RBM19: variants seen among roughly 807,000 people sequenced by gnomAD.
The protein encoded by RBM19 is RNA binding motif protein 19, also known as probable RNA-binding protein 19.
Under a neutral mutation model 116.8 loss-of-function variants are expected in RBM19, and 94 were observed. The observed-to-expected ratio is 0.80, with a 90% CI of 0.68 to 0.95. RBM19 has a LOEUF of 0.95. Among genes scored for constraint, RBM19 ranks in the 40% least tolerant of loss-of-function variants. The probability of loss-of-function intolerance (pLI) is 0.00; values close to 1 mark genes in which losing one functional copy is unlikely to be tolerated. For synonymous variants in RBM19, 475 were observed against 494.1 expected (o/e 0.96, Z 0.51); for missense variants, 1,161 against 1,220.7 (o/e 0.95, Z 0.73).
chr12:113,937,077 G>A lies in RBM19; in HGVS notation c.1998C>T (p.Ala666=), dbSNP rs1321890156. ...TGTCTTGGAGCTTTTTCTTCTGTGG[G>A]GCTGTGCTGGAGAAGACGCCAACTG... The part of the protein sequence containing the change: ...WAPVGVFSST[A]PQKKKLQDTP... Residue 666 remains alanine, a synonymous_variant, in exon 16 of 24, where the codon GCC becomes GCT. Coordinates refer to ENST00000261741, the MANE Select transcript of RBM19 (RefSeq NM_016196.4). 1 of 1,614,062 alleles carries A rather than the reference G, an allele frequency of 6.2e-7. No individual in the cohort carries two copies. The highest frequency in any genetic ancestry group is 1.1e-5 in the South Asian group (1 of 91,066).
intron 21 of RBM19, among the ~76,000 whole-genome samples, chr12:113,905,012 C>T (rs1433133546): frequency 2.6e-5 from 4 of 152,208 alleles, no homozygotes; most frequent in Non-Finnish European, 4.4e-5. Flanking sequence ...TGGTCCAAGC[C>T]GCAGTCAGCT....
intron 16 of RBM19, among the ~76,000 whole-genome samples, chr12:113,929,780 T>C (rs1174518846): frequency 2.0e-5 from 3 of 152,202 alleles, no homozygotes; most frequent in South Asian, 4.1e-4. Flanking sequence ...GTCTCACTCA[T>C]GACCACAGCA....
chr12:113,818,361 G>C (rs1014065491), downstream of RBM19, among the ~76,000 whole-genome samples: 2 of 152,184 alleles, frequency 1.3e-5, no homozygotes, highest in African/African-American at 4.8e-5. Flanking sequence ...TGTGCAGGAA[G>C]AGCCAGGTGC....
At position 113,873,689 on chromosome 12, in the gene RBM19, T is replaced by TAAA. The variant is rs146761765; in HGVS notation, c.2559-14796_2559-14794dup. On this transcript the variant is annotated intron_variant, in intron 21 of 23. Coordinates refer to ENST00000261741, the MANE Select transcript of RBM19 (RefSeq NM_016196.4). ...AAGAATTATCAATAAAAAAATAAAT[T>TAAA]AAAAAAAAAAAAAAAAAAGAAAAGG... 7.0e-4 allele frequency among the ~76,000 whole-genome samples: 89 copies of TAAA among 127,680 alleles called. 1 individual carries two copies. The South Asian group carries it at 0.013, about 19-fold the overall frequency. The allele number at this position is 127,680 out of a possible 152,430, so 83.8% of individuals were successfully genotyped here.
Position 113,950,108 on chromosome 12 carries a change from A to T in RBM19, c.1047T>A (p.Ala349=). 1 of 1,611,328 alleles carries T rather than the reference A, an allele frequency of 6.2e-7. No individual in the cohort carries two copies. The highest frequency in any genetic ancestry group is 8.5e-7 in the Non-Finnish European group (1 of 1,177,582). The change falls in exon 9 of 24, where the codon GCT becomes GCA. Residue 349 remains alanine, a synonymous_variant. Transcript: ENST00000261741. ...CCATGTACTCCCGGTTGCATTTCAGAGCTTGCTTCACTTCCTCTTCATTGC... is the reference window on the plus strand; with the variant it reads ...CCATGTACTCCCGGTTGCATTTCAGTGCTTGCTTCACTTCCTCTTCATTGC... ...DFSNEEEVKQ[A]LKCNREYMGG... is the part of the protein sequence containing the mutation.
intron 1 of RBM19, among the ~76,000 whole-genome samples, chr12:113,964,196 G>T (rs1029202806): frequency 6.6e-6 from 1 of 152,186 alleles, no homozygotes; most frequent in African/African-American, 2.4e-5. Flanking sequence ...ACTAAAGATT[G>T]CTCAATTCAA....
At chr12:113,923,634 C>T (rs572716279) in intron 18 of RBM19, among the ~76,000 whole-genome samples, 4 of 152,336 alleles carry the variant, frequency 2.6e-5, no homozygotes, top group African/African-American at 4.8e-5. Flanking sequence ...TCTTCCTCAA[C>T]GAATTCCCCA....
chr12:113,948,950 G>A lies in RBM19; in HGVS notation c.1159C>T (p.Arg387Trp), dbSNP rs962640201. Reference sequence around the variant, plus strand: ...TCCTCTTCGTTCTCCCCGAGTATCCGGCCTTGCCAGGATTTGGTGGTATTC... The same window carrying A: ...TCCTCTTCGTTCTCCCCGAGTATCCAGCCTTGCCAGGATTTGGTGGTATTC... ...PKNTTKSWQG[R>W]ILGENEEEED... Residue 387 changes from arginine (R) to tryptophan (W), a missense_variant, in exon 10 of 24, where the codon CGG becomes TGG. Transcript: ENST00000261741. 1.9e-6 allele frequency: 3 copies of A among 1,614,172 alleles called. No individual in the cohort carries two copies. Among genetic ancestry groups the A allele is most frequent in the Non-Finnish European group, 2.5e-6 (3 of 1,180,026 alleles).
chr12:113,955,469 TG>T (rs2135935092), intron 6 of RBM19, among the ~76,000 whole-genome samples: 1 of 152,064 alleles, frequency 6.6e-6, no homozygotes, highest in South Asian at 2.1e-4. Context: ...ACAGGGACCC[TG>T]GGGCTACAAG....
At chr12:113,867,217 C>T (rs1178881021) in intron 21 of RBM19, among the ~76,000 whole-genome samples, 1 of 152,226 alleles carries the variant, frequency 6.6e-6, no homozygotes, top group Non-Finnish European at 1.5e-5. Flanking sequence ...CAGCATCTAC[C>T]TCAGATGTGA....
chr12:113,842,232 TTC>T (rs1876550244), intron 23 of RBM19, among the ~76,000 whole-genome samples: 1 of 152,228 alleles, frequency 6.6e-6, no homozygotes, highest in Non-Finnish European at 1.5e-5. Context: ...TGAAGGGGGC[TTC>T]TCTCTAAGGC....
At chr12:113,900,360 C>G (rs1881611599) in intron 21 of RBM19, among the ~76,000 whole-genome samples, 1 of 152,170 alleles carries the variant, frequency 6.6e-6, no homozygotes, top group Admixed American at 6.5e-5. Context: ...GTTGACTTAT[C>G]AAAGACGCTG....
rs1390852087 is a variant in RBM19, at chr12:113,898,153, C to A, written c.2558+16816G>T. Among the ~76,000 whole-genome samples, 1 of 152,024 alleles carries A rather than the reference C, an allele frequency of 6.6e-6. No homozygotes were observed. The highest frequency in any genetic ancestry group is 1.5e-5 in the Non-Finnish European group (1 of 68,000). On this transcript the variant is annotated intron_variant, in intron 21 of 23. Coordinates refer to ENST00000261741, the MANE Select transcript of RBM19 (RefSeq NM_016196.4). The surrounding 1 kb of genome is among the most constrained non-coding windows in gnomAD (Gnocchi z 4.3). ...CAGTTTCTCTAATTAGGGTCTGCTG[C>A]CTCTCGGATACATTTGGGCATATAT...
At chr12:113,937,351 A>G (rs1022364630) in intron 15 of RBM19, 23 of 449,914 alleles carry the variant, frequency 5.1e-5, no homozygotes, top group African/African-American at 4.4e-4. Context: ...TGCAGGAGAG[A>G]GGCTTTAGTC....
At chr12:113,829,661 G>A (rs1875192441) in intron 23 of RBM19, among the ~76,000 whole-genome samples, 1 of 152,206 alleles carries the variant, frequency 6.6e-6, no homozygotes, top group South Asian at 2.1e-4. Flanking sequence ...CCTGAGTGCT[G>A]CCACTTGGTG....
chr12:113,875,692 G>A (rs572811032), intron 21 of RBM19, among the ~76,000 whole-genome samples: 1 of 152,210 alleles, frequency 6.6e-6, no homozygotes, highest in African/African-American at 2.4e-5. Flanking sequence ...TGAAGAGAAA[G>A]ACGAGAAAAA....
chr12:113,872,374 A>G (rs75196884), intron 21 of RBM19, among the ~76,000 whole-genome samples: 89,720 of 137,534 alleles, frequency 0.65, 28,077 homozygotes, highest in East Asian at 0.93. Flanking sequence ...CCCGGCAGCC[A>G]CCCCGTCCGG....
chr12:113,899,781 CA>C (rs1881563287), intron 21 of RBM19, among the ~76,000 whole-genome samples: 1 of 151,260 alleles, frequency 6.6e-6, no homozygotes, highest in African/African-American at 2.4e-5. Flanking sequence ...AGGAATCCCC[CA>C]AGCTGTCTGG....
In RBM19 at chr12:113,916,158, C is replaced by A. The variant is rs560348405; in HGVS notation, c.2442-1073G>T. Among the ~76,000 whole-genome samples the A allele has an allele frequency of 7.2e-5, 11 of 152,280 alleles. No individual in the cohort carries two copies. In the South Asian group the frequency reaches 2.3e-3, roughly 32 times the overall value. ...GGGCATGGTGGCTCACACCTGTAAT[C>A]CCAACACTTTGGGAGGCTTAGGTGG... On this transcript the variant is annotated intron_variant, in intron 20 of 23. Transcript: ENST00000261741.
Sources: gnomAD v4.1 joint callset for allele counts (sites outside exome capture counted in the v4.1 genomes callset) on GRCh38, gnomAD v4.1.1 for gene constraint, Gnocchi (gnomAD v3.1) non-coding constraint, MANE v1.5 for transcripts, NCBI Gene and HGNC (gene_info 2026-07-23, HGNC 2026-07-21) for gene names.